Variants in STYXL2 observed in about 807,000 individuals in gnomAD.
STYXL2 encodes the protein serine/threonine/tyrosine-interacting-like protein 2.
STYXL2 carries 44 observed loss-of-function variants against 52.4 expected under a neutral mutation model. That is an observed-to-expected ratio of 0.84 (90% confidence interval 0.66 to 1.08). STYXL2 has a LOEUF of 1.08. Ranked by LOEUF, STYXL2 falls within the 50% of genes least tolerant of loss-of-function variation. The pLI is 0.00. For synonymous variants in STYXL2, 604 were observed against 586.9 expected (o/e 1.03, Z -0.42); for missense variants, 1,604 against 1,471.7 (o/e 1.09, Z -1.47).
chr1:167,128,093 C>G lies in STYXL2; in HGVS notation c.2962C>G (p.Gln988Glu). ...GTTTTCCAAATCCCAGTCAGAGGAACAGGACACCTCCTCCTACCACGAGGC... is the reference window on the plus strand; with the variant it reads ...GTTTTCCAAATCCCAGTCAGAGGAAGAGGACACCTCCTCCTACCACGAGGC... ...YKFSKSQSEE[Q>E]DTSSYHEANG... The change falls in exon 6 of 6, where the codon CAG becomes GAG. Residue 988 changes from glutamine to glutamate, a missense_variant. Physicochemically the swap from Gln to Glu is conservative, Grantham distance 29. Transcript: ENST00000361200. 6.2e-7 allele frequency: 1 copy of G among 1,614,236 alleles called. No homozygotes were observed. Among genetic ancestry groups the G allele is most frequent in the Non-Finnish European group, 8.5e-7 (1 of 1,180,046 alleles).
intron 2 of STYXL2, among the ~76,000 whole-genome samples, chr1:167,111,718 G>T (rs1406822983): frequency 6.6e-6 from 1 of 151,744 alleles, no homozygotes; most frequent in Non-Finnish European, 1.5e-5. Flanking sequence ...GCATAAGAAT[G>T]ATACAATGGA....
In STYXL2 at chr1:167,098,387, G is replaced by T. The variant is rs1667336508; in HGVS notation, c.110+3428G>T. On this transcript the variant is annotated intron_variant, in intron 2 of 5. Coordinates refer to ENST00000361200, the MANE Select transcript of STYXL2 (RefSeq NM_001080426.3). The stretch of plus-strand genomic sequence containing the variant: ...GCTACTCAGGAAGCTGAGGCAACAG[G>T]ATTGCTTGAGCCCAGGAATTCAAGG... Among the ~76,000 whole-genome samples the T allele has an allele frequency of 4.6e-5, 7 of 151,890 alleles. 1 individual carries two copies. The highest frequency in any genetic ancestry group is 4.6e-4 in the Admixed American group (7 of 15,256).
Position 167,126,454 on chromosome 1 carries a change from G to C in STYXL2, c.1323G>C (p.Glu441Asp), listed in dbSNP as rs140173478. 7.1e-5 allele frequency: 112 copies of C among 1,586,284 alleles called. No homozygotes were observed. Among genetic ancestry groups the C allele is most frequent in the Non-Finnish European group, 8.7e-5 (101 of 1,166,832 alleles). ...CCCTGAGCGAGAGCAGCGCCTGGGAGAGCGTGAGCAGCCACGACATCTGGG... is the reference window on the plus strand; with the variant it reads ...CCCTGAGCGAGAGCAGCGCCTGGGACAGCGTGAGCAGCCACGACATCTGGG... The part of the protein sequence containing the change: ...RRTLSESSAW[E>D]SVSSHDIWVL... Residue 441 changes from glutamate (E) to aspartate (D), a missense_variant, in exon 6 of 6, where the codon GAG (glutamate) becomes GAC (aspartate). Physicochemically the swap from Glu to Asp is conservative, Grantham distance 45 (BLOSUM62 2). Transcript: ENST00000361200.
At position 167,125,953 on chromosome 1, in the gene STYXL2, CA is replaced by C. The variant is rs1389059232; in HGVS notation, c.824del (p.Asn275MetfsTer4). The C allele has an allele frequency of 6.2e-7, 1 of 1,613,574 alleles. No homozygotes were observed. The highest frequency in any genetic ancestry group is 1.3e-5 in the African/African-American group (1 of 74,846). On this transcript the variant is annotated frameshift_variant, in exon 6 of 6. Transcript: ENST00000361200. LOFTEE classifies it low-confidence loss of function (END_TRUNC). The stretch of plus-strand genomic sequence containing the variant: ...GCTTCCTGAAGCAGCTGCGGGAGCT[CA>C]ATGAGAAGTTGATGGAGGAGAGAGA... ...EGFLKQLREL[N>X]EKLMEEREED...
At chr1:167,112,449 T>C (rs1464937923) in intron 2 of STYXL2, among the ~76,000 whole-genome samples, 1 of 152,240 alleles carries the variant, frequency 6.6e-6, no homozygotes, top group Non-Finnish European at 1.5e-5. Flanking sequence ...TTAGCTTTGT[T>C]CAGCTCATCG....
intron 2 of STYXL2, among the ~76,000 whole-genome samples, chr1:167,104,054 G>A (rs1667457963): frequency 6.6e-6 from 1 of 152,088 alleles, no homozygotes; most frequent in Non-Finnish European, 1.5e-5. Context: ...GGGAGGCGGA[G>A]CTTGCAGTGA....
chr1:167,106,428 G>C (rs1327864), intron 2 of STYXL2, among the ~76,000 whole-genome samples: 68,540 of 152,048 alleles, frequency 0.45, 17,499 homozygotes, highest in East Asian at 0.89. Flanking sequence ...AAGGAAGAAG[G>C]CCTTGTAATC....
chr1:167,128,146 A>T lies in STYXL2; in HGVS notation c.3015A>T (p.Ser1005=). ...EANGNSVRST[S]RFSSSSTREG... The stretch of plus-strand genomic sequence containing the variant: ...ATGGCAACTCTGTAAGAAGCACTTC[A>T]CGGTTCTCATCTTCCTCCACCAGGG... The change falls in exon 6 of 6, where the codon TCA becomes TCT. Residue 1005 remains serine, a synonymous_variant. Coordinates refer to ENST00000361200, the MANE Select transcript of STYXL2 (RefSeq NM_001080426.3). 2 of 1,614,206 alleles carry T rather than the reference A, an allele frequency of 1.2e-6. No homozygotes were observed. The highest frequency in any genetic ancestry group is 1.7e-6 in the Non-Finnish European group (2 of 1,180,030).
intron 2 of STYXL2, among the ~76,000 whole-genome samples, chr1:167,098,819 AG>A (rs1418836999): frequency 3.3e-5 from 5 of 152,186 alleles, no homozygotes; most frequent in Non-Finnish European, 5.9e-5. Context: ...GCTTTCTCTA[AG>A]CATGGTAGCT....
chr1:167,106,070 C>T (rs540979287), intron 2 of STYXL2, among the ~76,000 whole-genome samples: 24 of 152,310 alleles, frequency 1.6e-4, no homozygotes, highest in African/African-American at 5.8e-4. Context: ...TCAAATTCTC[C>T]CCTATCAAAC....
rs139638553 is a variant in STYXL2 at position 167,117,356 on chromosome 1, C to A, written c.234C>A (p.Asp78Glu). 40 of 1,610,954 alleles carry A rather than the reference C, an allele frequency of 2.5e-5. No individual in the cohort carries two copies. The South Asian group carries it at 4.3e-4, about 17-fold the overall frequency. ...EELKPPGVRADAECPGMLESA... is the reference protein window; with the variant it reads ...EELKPPGVRAEAECPGMLESA... Reference sequence around the variant, plus strand: ...TCAAGCCACCGGGGGTCAGAGCAGACGCAGAGTGTCCAGGCATGCTGGAGT... The same window carrying A: ...TCAAGCCACCGGGGGTCAGAGCAGAAGCAGAGTGTCCAGGCATGCTGGAGT... Residue 78 changes from aspartate (D) to glutamate (E), a missense_variant, in exon 4 of 6, where the codon GAC (aspartate) becomes GAA (glutamate). Physicochemically the swap from Asp to Glu is conservative, Grantham distance 45. Transcript: ENST00000361200.
chr1:167,112,909 T>A (rs1667647624), intron 2 of STYXL2, among the ~76,000 whole-genome samples: 1 of 152,218 alleles, frequency 6.6e-6, no homozygotes, highest in African/African-American at 2.4e-5. Context: ...AAAGCTCATC[T>A]GAACACCTGG....
At chr1:167,112,379 G>A (rs1355189723) in intron 2 of STYXL2, among the ~76,000 whole-genome samples, 2 of 152,128 alleles carry the variant, frequency 1.3e-5, no homozygotes, top group East Asian at 1.9e-4. Flanking sequence ...GTGGATGCAC[G>A]AGAGAATTGT....
intron 2 of STYXL2, among the ~76,000 whole-genome samples, chr1:167,095,954 T>C (rs758629573): frequency 1.4e-4 from 21 of 152,164 alleles, no homozygotes; most frequent in Non-Finnish European, 2.9e-4. Flanking sequence ...TCAGCACTCA[T>C]GGGCCAGGGC....
chr1:167,106,916 G>A (rs1485536083), intron 2 of STYXL2, among the ~76,000 whole-genome samples: 2 of 152,222 alleles, frequency 1.3e-5, no homozygotes, highest in East Asian at 1.9e-4. Context: ...CACTATTCCT[G>A]TTATCTATTG....
intron 2 of STYXL2, among the ~76,000 whole-genome samples, chr1:167,113,131 C>G (rs902177889): frequency 3.5e-5 from 4 of 114,784 alleles, no homozygotes; most frequent in African/African-American, 1.6e-4. Context: ...CAACCTGACT[C>G]TCGATTTCAT....
chr1:167,119,622 T>C (rs2102241561), intron 5 of STYXL2, among the ~76,000 whole-genome samples, 156 bp downstream of exon 5: 1 of 152,302 alleles, frequency 6.6e-6, no homozygotes, highest in Non-Finnish European at 1.5e-5. Flanking sequence ...GGATAATCAT[T>C]CATCCAGTAA....
chr1:167,094,467 A>T, intron 1 of STYXL2: 1 of 274,510 alleles, frequency 3.6e-6, no homozygotes, highest in Non-Finnish European at 7.1e-6. Flanking sequence ...GTGTATGCAC[A>T]TCCTATAATT....
intron 2 of STYXL2, among the ~76,000 whole-genome samples, chr1:167,100,859 T>A (rs1667388806): frequency 6.6e-6 from 1 of 152,244 alleles, no homozygotes; most frequent in Non-Finnish European, 1.5e-5. Flanking sequence ...AAACATGTGG[T>A]GGCACTTCAT....
Sources: gnomAD v4.1 joint callset for allele counts (sites outside exome capture counted in the v4.1 genomes callset) on GRCh38, gnomAD v4.1.1 for gene constraint, MANE v1.5 for transcripts, NCBI Gene and HGNC (gene_info 2026-07-23, HGNC 2026-07-21) for gene names.